FARP1: variants seen among roughly 807,000 people sequenced by gnomAD.
The protein encoded by FARP1 is FERM, ARH/RhoGEF and pleckstrin domain protein 1, also known as FERM, ARHGEF and pleckstrin domain-containing protein 1.
A neutral mutation model predicts 128.8 loss-of-function variants in FARP1; 52 were observed. The ratio of observed to expected loss-of-function variants is 0.40; its 90% CI spans 0.32 to 0.51. The LOEUF (loss-of-function observed/expected upper bound fraction) is 0.51. FARP1 is among the 20% of genes least tolerant of loss of function. The probability of loss-of-function intolerance (pLI) is 0.45; values close to 1 mark genes in which losing one functional copy is unlikely to be tolerated. For synonymous variants in FARP1, 580 were observed against 551.8 expected (o/e 1.05, Z -0.72); for missense variants, 1,333 against 1,367.9 (o/e 0.97, Z 0.40).
chr13:98,322,259 T>C (rs1887027901), intron 2 of FARP1, among the ~76,000 whole-genome samples: 1 of 152,114 alleles, frequency 6.6e-6, no homozygotes, highest in Admixed American at 6.5e-5. Context: ...GATTGCACCA[T>C]TGCACTCTAG....
At chr13:98,331,213 A>G (rs889207377) in intron 2 of FARP1, among the ~76,000 whole-genome samples, 2 of 152,158 alleles carry the variant, frequency 1.3e-5, no homozygotes, top group African/African-American at 4.8e-5. Flanking sequence ...GACTGTCAGC[A>G]TTGTTGGATA....
chr13:98,384,623 G>A (rs1890027481), intron 6 of FARP1, 107 bp from the exon 7 acceptor site: 1 of 674,940 alleles, frequency 1.5e-6, no homozygotes, highest in Admixed American at 2.3e-5. Context: ...CACCAACTGG[G>A]CTCACCTTAT....
intron 1 of FARP1, among the ~76,000 whole-genome samples, chr13:98,158,710 G>A (rs1205767254): frequency 6.6e-6 from 1 of 152,198 alleles, no homozygotes; most frequent in Non-Finnish European, 1.5e-5. Context: ...GGGAACAGCT[G>A]CTTTTCTCAG....
intron 2 of FARP1, among the ~76,000 whole-genome samples, chr13:98,321,055 T>A (rs1373628582): frequency 6.6e-6 from 1 of 152,204 alleles, no homozygotes; most frequent in Non-Finnish European, 1.5e-5. Context: ...TGGTAACTTG[T>A]CATCACCACC....
At chr13:98,287,208 CTTTTTTTTTTTTTTTTTTTTTTTTT>C (rs71111939) in intron 2 of FARP1, among the ~76,000 whole-genome samples, 4 of 75,844 alleles carry the variant, frequency 5.3e-5, no homozygotes, top group East Asian at 3.6e-4. Flanking sequence ...TCAGACATGT[CTTTTTTTTTTTTTTTTTTTTTTTTT>C]TTTTTTTTTT....
chr13:98,450,551 A>G lies in FARP1; in HGVS notation c.*2234A>G, dbSNP rs1352040458. On this transcript the variant is annotated 3_prime_UTR_variant, in exon 27 of 27. Coordinates refer to ENST00000319562, the MANE Select transcript of FARP1 (RefSeq NM_005766.4). ...ACCTCATTGGCAGCAGCCAGCCAGGACACAGCTCAAAAACGCAGGAGCTAC... is the reference window on the plus strand; with the variant it reads ...ACCTCATTGGCAGCAGCCAGCCAGGGCACAGCTCAAAAACGCAGGAGCTAC... 1 of 152,404 alleles carries G rather than the reference A, an allele frequency of 6.6e-6. No individual in the cohort carries two copies. The highest frequency in any genetic ancestry group is 1.9e-4 in the East Asian group (1 of 5,200). 9.4% of individuals were successfully genotyped at this position (152,404 alleles called of 1,614,324 possible). A position where few individuals can be genotyped will look rare whatever the true frequency, so the allele number is the denominator to read the frequency against.
intron 3 of FARP1, among the ~76,000 whole-genome samples, chr13:98,356,072 G>A (rs941864147): frequency 2.7e-4 from 41 of 152,138 alleles, no homozygotes; most frequent in Non-Finnish European, 4.4e-5. Context: ...AAGACTGTAT[G>A]TTCTGTGTTG....
At chr13:98,177,464 T>G (rs569410847) in intron 1 of FARP1, among the ~76,000 whole-genome samples, 7 of 148,888 alleles carry the variant, frequency 4.7e-5, no homozygotes, top group Admixed American at 1.4e-4. Context: ...CTGGCCAACA[T>G]AGCGAAACTC....
chr13:98,265,561 C>G (rs1204141405), intron 2 of FARP1, among the ~76,000 whole-genome samples: 3 of 151,398 alleles, frequency 2.0e-5, no homozygotes, highest in Non-Finnish European at 2.9e-5. Context: ...CCTCGTGATC[C>G]GCCCGCCTTG....
intron 2 of FARP1, among the ~76,000 whole-genome samples, chr13:98,247,087 C>T (rs541538268): frequency 2.6e-5 from 4 of 152,280 alleles, no homozygotes; most frequent in African/African-American, 7.2e-5. Flanking sequence ...GTTAACTGGG[C>T]GTGATGGCGC....
Position 98,390,133 on chromosome 13 carries a change from C to T in FARP1, c.1019+13C>T. The T allele has an allele frequency of 6.2e-7, 1 of 1,610,564 alleles. No homozygotes were observed. The highest frequency in any genetic ancestry group is 8.5e-7 in the Non-Finnish European group (1 of 1,178,262). On this transcript the variant is annotated intron_variant, in intron 10 of 26. Transcript: ENST00000319562. ...CATTTCGGTTCAGGTGAGGTCGCCA[C>T]TTTGTGCCTCTGTTTGCTGGGTGCA... is the stretch of plus-strand genomic sequence containing the variant.
chr13:98,336,835 G>A (rs1887765373), intron 2 of FARP1, among the ~76,000 whole-genome samples: 1 of 152,176 alleles, frequency 6.6e-6, no homozygotes, highest in African/African-American at 2.4e-5. Flanking sequence ...GCCTTTTAGA[G>A]CATCATTAAA....
At chr13:98,165,838 C>A (rs972665596) in intron 1 of FARP1, among the ~76,000 whole-genome samples, 1 of 150,032 alleles carries the variant, frequency 6.7e-6, no homozygotes, top group Non-Finnish European at 1.5e-5. Context: ...CTGCCTCAGC[C>A]TCCAGAGTAG....
At chr13:98,401,731 G>A (rs1890780546) in intron 13 of FARP1, 2 of 151,836 alleles carry the variant, frequency 1.3e-5, no homozygotes, top group African/African-American at 2.4e-5. Context: ...TCAAGCAGGA[G>A]GAACTTTTTT....
chr13:98,330,007 A>G (rs1203494242), intron 2 of FARP1: 1 of 152,304 alleles, frequency 6.6e-6, no homozygotes, highest in Non-Finnish European at 1.5e-5. Context: ...GCAAATTGTA[A>G]TTTTGAATAG....
intron 13 of FARP1, chr13:98,398,044 G>A (rs1188100914): frequency 2.0e-5 from 3 of 152,088 alleles, no homozygotes; most frequent in Non-Finnish European, 4.4e-5. Context: ...CACGCGACCC[G>A]ATCACAAGGG....
chr13:98,280,926 A>G (rs1884906090), intron 2 of FARP1, among the ~76,000 whole-genome samples: 1 of 152,236 alleles, frequency 6.6e-6, no homozygotes, highest in African/African-American at 2.4e-5. Context: ...GTTAGGAGTG[A>G]ATTTTTAAAT....
chr13:98,273,311 A>C (rs1309556511), intron 2 of FARP1, among the ~76,000 whole-genome samples: 2 of 152,160 alleles, frequency 1.3e-5, no homozygotes, highest in Non-Finnish European at 2.9e-5. Context: ...GGGATGTGGG[A>C]CTTAATCCTT....
rs767869076 is a variant in FARP1 at position 98,448,368 on chromosome 13, C to T, written c.*51C>T. The T allele has an allele frequency of 7.2e-7, 1 of 1,389,484 alleles. No individual in the cohort carries two copies. Among genetic ancestry groups the T allele is most frequent in the African/African-American group, 1.4e-5 (1 of 70,560 alleles). 86.1% of individuals were successfully genotyped at this position (1,389,484 alleles called of 1,614,324 possible). On this transcript the variant is annotated 3_prime_UTR_variant, in exon 27 of 27. Transcript: ENST00000319562. ...TGGCTGCTTTCCTGGAAGACGTTTCCTTTCTTCTGTATTAATGAAGCCTGG... is the reference window on the plus strand; with the variant it reads ...TGGCTGCTTTCCTGGAAGACGTTTCTTTTCTTCTGTATTAATGAAGCCTGG...
Sources: allele counts gnomAD v4.1 joint callset (sites outside exome capture counted in the v4.1 genomes callset), GRCh38; gene constraint gnomAD v4.1.1; transcripts MANE v1.5; gene names NCBI Gene and HGNC (gene_info 2026-07-23, HGNC 2026-07-21).